POF1B: variants seen among roughly 807,000 people sequenced by gnomAD.
POF1B encodes the protein POF1B actin binding protein.
In POF1B, 53 loss-of-function variants were observed where a neutral mutation model predicts 55.3. The observed-to-expected ratio is 0.96, with a 90% CI of 0.77 to 1.20. POF1B has a LOEUF of 1.20. Among genes scored for constraint, POF1B ranks in the 50% most tolerant of loss-of-function variants. The probability of loss-of-function intolerance (pLI) is 0.00; values close to 1 mark genes in which losing one functional copy is unlikely to be tolerated. For synonymous variants in POF1B, 188 were observed against 148.3 expected, an observed-to-expected ratio of 1.27 and a Z score of -1.95; for missense variants, 478 against 420.5, an observed-to-expected ratio of 1.14 and a Z score of -1.20.
In POF1B at chrX:85,345,959, A is replaced by C; in HGVS notation, c.624T>G (p.Asp208Glu). 8.3e-7 allele frequency: 1 copy of C among 1,208,056 alleles called. No homozygotes were observed. The highest frequency in any genetic ancestry group is 1.1e-6 in the Non-Finnish European group (1 of 893,302). ...TGATGGCTTGGATTTGCTGGCTAGA[A>C]TCAGGTTGTTGCCAGTGTGCAGAGT... is the stretch of plus-strand genomic sequence containing the variant. Reference protein sequence around the residue: ...VIHSAHWQQPDSSQQIQAITG... With the variant: ...VIHSAHWQQPESSQQIQAITG... Residue 208 changes from aspartate to glutamate, a missense_variant, in exon 6 of 17, where the codon GAT becomes GAG. Transcript: ENST00000262753.
intron 3 of POF1B, among the ~76,000 whole-genome samples, chrX:85,364,299 A>G (rs1328017751): frequency 9.0e-6 from 1 of 110,723 alleles, no homozygotes. Flanking sequence ...TATTTTGTTG[A>G]CTGGTTATTA....
At chrX:85,306,012 G>C in intron 12 of POF1B, 102 bp from the exon 13 acceptor site, 3 of 1,014,547 alleles carry the variant, frequency 3.0e-6, no homozygotes, top group Non-Finnish European at 2.7e-6. Flanking sequence ...GATTAAATAA[G>C]ACATTGAAAT....
chrX:85,312,806 A>G (rs891216819), intron 9 of POF1B, among the ~76,000 whole-genome samples: 1 of 111,859 alleles, frequency 8.9e-6, no homozygotes, highest in African/African-American at 3.3e-5. Flanking sequence ...CCTATCCATA[A>G]CAATGGAATG....
intron 2 of POF1B, among the ~76,000 whole-genome samples, chrX:85,377,328 C>G (rs189757688): frequency 1.5e-4 from 17 of 111,680 alleles, no homozygotes; most frequent in Admixed American, 3.8e-4. Flanking sequence ...TCATCATATT[C>G]TTTGTGACAG....
chrX:85,336,982 G>C (rs1933088005), intron 6 of POF1B, among the ~76,000 whole-genome samples: 2 of 111,568 alleles, frequency 1.8e-5, no homozygotes, highest in African/African-American at 6.5e-5. Flanking sequence ...TATATGGTGA[G>C]AGATAGAGGT....
intron 2 of POF1B, among the ~76,000 whole-genome samples, chrX:85,372,723 A>G (rs1460372947): frequency 9.7e-6 from 1 of 102,969 alleles, no homozygotes; most frequent in Admixed American, 1.1e-4. Context: ...TAAAGTATAT[A>G]TATATATAAA....
intron 9 of POF1B, among the ~76,000 whole-genome samples, chrX:85,311,899 G>T (rs1932710351): frequency 8.9e-6 from 1 of 111,978 alleles, no homozygotes; most frequent in South Asian, 3.7e-4. Flanking sequence ...TCTCATTGTG[G>T]TTTTGATTTG....
Position 85,367,701 on chromosome X carries a change from A to G in POF1B, c.348T>C (p.Asn116=). 1 of 1,162,760 alleles carries G rather than the reference A, an allele frequency of 8.6e-7. No individual in the cohort carries two copies. Among genetic ancestry groups the G allele is most frequent in the African/African-American group, 1.8e-5 (1 of 56,104 alleles). ...TCACAACTTCTTTTACCTGTTCAGTATTTTGGGTTATATGTAGAGTACTTG... is the reference window on the plus strand; with the variant it reads ...TCACAACTTCTTTTACCTGTTCAGTGTTTTGGGTTATATGTAGAGTACTTG... ...CAPSTLHITQ[N]TEQELHSPTV... is the part of the protein sequence containing the mutation. The change falls in exon 3 of 17, where the codon AAT becomes AAC. Residue 116 remains asparagine (N), a synonymous_variant. Transcript: ENST00000262753.
rs755456462 is a variant in POF1B, at chrX:85,331,203, C to A, written c.724-124G>T. On this transcript the variant is annotated intron_variant, in intron 6 of 16. Transcript: ENST00000262753. ...ATCACATAAATCAAGCCATTTTTTTCAGGGATACATTTTTTAATGTGGGAG... is the reference window on the plus strand; with the variant it reads ...ATCACATAAATCAAGCCATTTTTTTAAGGGATACATTTTTTAATGTGGGAG... 2.6e-5 allele frequency: 18 copies of A among 683,059 alleles called. No homozygotes were observed. The South Asian group carries it at 7.5e-4, about 29-fold the overall frequency. 56.3% of individuals were successfully genotyped at this position (683,059 alleles called of 1,213,427 possible). A position where few individuals can be genotyped will look rare whatever the true frequency, so the allele number is the denominator to read the frequency against.
In POF1B at chrX:85,315,807, C is replaced by A. The variant is rs1014421056; in HGVS notation, c.855-73G>T. 21 of 811,490 alleles carry A rather than the reference C, an allele frequency of 2.6e-5. No individual in the cohort carries two copies. The Admixed American group carries it at 5.3e-4, about 20-fold the overall frequency. The allele number at this position is 811,490 out of a possible 1,213,427, so 66.9% of individuals were successfully genotyped here. On this transcript the variant is annotated intron_variant, in intron 7 of 16. Transcript: ENST00000262753. ...CTGATCATATATAAATGCTAGTTTTCTATTAATTTTATCTTACTTTTTGAA... is the reference window on the plus strand; with the variant it reads ...CTGATCATATATAAATGCTAGTTTTATATTAATTTTATCTTACTTTTTGAA...
At chrX:85,327,485 A>C (rs1305335754) in intron 7 of POF1B, among the ~76,000 whole-genome samples, 1 of 112,014 alleles carries the variant, frequency 8.9e-6, no homozygotes, top group Non-Finnish European at 1.9e-5. Context: ...AGTGAGTAGA[A>C]AGAGAACTGA....
At chrX:85,284,473 A>G (rs1931989461) in intron 15 of POF1B, among the ~76,000 whole-genome samples, 1 of 111,855 alleles carries the variant, frequency 8.9e-6, no homozygotes, top group South Asian at 3.7e-4. Context: ...GACCAATGGA[A>G]CAGAACAGAG....
chrX:85,322,448 A>T (rs1288349262), intron 7 of POF1B, among the ~76,000 whole-genome samples: 2 of 111,878 alleles, frequency 1.8e-5, no homozygotes, highest in African/African-American at 6.5e-5. Flanking sequence ...TTAATTCAAG[A>T]TAGATTAAAG....
rs1273948392 is a variant in POF1B at position 85,298,291 on chromosome X, A to C, written c.1649+5115T>G. 3.6e-5 allele frequency among the ~76,000 whole-genome samples: 4 copies of C among 111,219 alleles called. No homozygotes were observed. The East Asian group carries it at 8.5e-4, about 24-fold the overall frequency. On this transcript the variant is annotated intron_variant, in intron 15 of 16. Coordinates refer to ENST00000262753, the MANE Select transcript of POF1B (RefSeq NM_024921.4). Reference sequence around the variant, plus strand: ...TTGTTGCAGCTGTTCCACATGTAAAACCCCCTGGGGTCCTTGCAGGCTAGA... The same window carrying C: ...TTGTTGCAGCTGTTCCACATGTAAACCCCCCTGGGGTCCTTGCAGGCTAGA...
chrX:85,282,166 C>A (rs182567055), intron 16 of POF1B, 37 bp downstream of exon 16: 9 of 1,155,670 alleles, frequency 7.8e-6, no homozygotes, highest in South Asian at 2.1e-5. Flanking sequence ...GTACATATAT[C>A]GTCAAAATAG....
chrX:85,366,415 G>T (rs2147948969), intron 3 of POF1B, among the ~76,000 whole-genome samples: 1 of 111,367 alleles, frequency 9.0e-6, no homozygotes, highest in South Asian at 3.8e-4. Context: ...GTAATCTCTA[G>T]GTGGGGGAAG....
chrX:85,327,530 C>T (rs1328742831), intron 7 of POF1B, among the ~76,000 whole-genome samples: 6 of 111,565 alleles, frequency 5.4e-5, no homozygotes, highest in African/African-American at 2.0e-4. Context: ...TACATACGTG[C>T]AATTGTCTGC....
chrX:85,291,309 C>T (rs1932182109), intron 15 of POF1B, among the ~76,000 whole-genome samples: 1 of 111,485 alleles, frequency 9.0e-6, no homozygotes, highest in Non-Finnish European at 1.9e-5. Context: ...GTTCTTGTAC[C>T]AGTACCATGC....
intron 6 of POF1B, among the ~76,000 whole-genome samples, chrX:85,336,119 G>A (rs913449713): frequency 9.1e-6 from 1 of 110,316 alleles, no homozygotes; most frequent in Non-Finnish European, 1.9e-5. Flanking sequence ...TTGTTTTTCT[G>A]TGCCTGGCTT....
Sources: gnomAD v4.1 joint callset for allele counts (sites outside exome capture counted in the v4.1 genomes callset) on GRCh38, gnomAD v4.1.1 for gene constraint, MANE v1.5 for transcripts, NCBI Gene and HGNC (gene_info 2026-07-23, HGNC 2026-07-21) for gene names.